UBXN11: variants seen among roughly 807,000 people sequenced by gnomAD.
The protein encoded by UBXN11 is UBX domain-containing protein 11.
A neutral mutation model predicts 62.8 loss-of-function variants in UBXN11; 47 were observed. That is an observed-to-expected ratio of 0.75 (90% CI 0.59 to 0.95). The LOEUF (loss-of-function observed/expected upper bound fraction) is 0.95. Among genes scored for constraint, UBXN11 ranks in the 40% least tolerant of loss-of-function variants. The pLI, the probability that UBXN11 is intolerant of heterozygous loss-of-function variation, is 0.00. For missense variants in UBXN11, 638 were observed against 661.7 expected (o/e 0.96, Z 0.39); for synonymous variants, 294 against 267.0 (o/e 1.10, Z -0.99).
intron 8 of UBXN11, 37 bp from the exon 9 acceptor site, chr1:26,286,074 G>A: frequency 3.2e-6 from 5 of 1,554,996 alleles, no homozygotes; most frequent in Non-Finnish European, 3.5e-6. Flanking sequence ...GCCGCCTTTT[G>A]GCTGTCATGT....
intron 4 of UBXN11, among the ~76,000 whole-genome samples, chr1:26,299,402 C>T (rs960052062): frequency 6.6e-6 from 1 of 151,054 alleles, no homozygotes; most frequent in African/African-American, 2.4e-5. Context: ...GTCCCAGCTA[C>T]TTGAGAGGCT....
rs1018388314 is a variant in UBXN11, at chr1:26,284,618, G to C, written c.853-136C>G. Reference sequence around the variant, plus strand: ...CCCATTTTACATATGAGGAAACCCAGGCCTCAGGAGAGCCACGGTTCGTAC... The same window carrying C: ...CCCATTTTACATATGAGGAAACCCACGCCTCAGGAGAGCCACGGTTCGTAC... On this transcript the variant is annotated intron_variant, in intron 10 of 14. Coordinates refer to ENST00000374222, the MANE Select transcript of UBXN11 (RefSeq NM_001389556.1). 14 of 1,398,862 alleles carry C rather than the reference G, an allele frequency of 1.0e-5. No individual in the cohort carries two copies. In the African/African-American group the frequency reaches 1.8e-4, roughly 18 times the overall value. 86.7% of individuals were successfully genotyped at this position (1,398,862 alleles called of 1,614,324 possible). A position where few individuals can be genotyped will look rare whatever the true frequency, so the allele number is the denominator to read the frequency against.
At chr1:26,296,524 A>C (rs1315370606) in intron 7 of UBXN11, among the ~76,000 whole-genome samples, 1 of 152,194 alleles carries the variant, frequency 6.6e-6, no homozygotes, top group Non-Finnish European at 1.5e-5. Flanking sequence ...CTGAGGTGGG[A>C]AGCAGCTCCA....
chr1:26,297,500 G>C lies in UBXN11; in HGVS notation c.301-19C>G, dbSNP rs1326250590. On this transcript the variant is annotated intron_variant, in intron 5 of 14. Transcript: ENST00000374222. ...TCTGATCCTGTAGCATAAGACACAG[G>C]GTGAGCACAGGGCCTGTGGTTCCCA... The C allele has an allele frequency of 4.5e-6, 7 of 1,544,602 alleles. No individual in the cohort carries two copies. The highest frequency in any genetic ancestry group is 6.1e-6 in the Non-Finnish European group (7 of 1,144,434).
intron 1 of UBXN11, among the ~76,000 whole-genome samples, chr1:26,303,422 C>T (rs889211248): frequency 3.3e-5 from 5 of 151,862 alleles, no homozygotes; most frequent in African/African-American, 9.7e-5. Flanking sequence ...GTCAGTGGTT[C>T]GAGATCAGCT....
At chr1:26,310,546 A>AAAG (rs2073731173), upstream of UBXN11, among the ~76,000 whole-genome samples, 2 of 150,468 alleles carry the variant, frequency 1.3e-5, no homozygotes, top group Admixed American at 1.3e-4. Flanking sequence ...CTCAAAAAAA[A>AAAG]AAAGAAAGAA....
chr1:26,315,995 T>C (rs949969698), intron 1 of UBXN11, among the ~76,000 whole-genome samples: 2 of 142,438 alleles, frequency 1.4e-5, no homozygotes, highest in Admixed American at 1.5e-4. Flanking sequence ...GGTCTTGCTC[T>C]GTCACCCTGG....
In UBXN11 at chr1:26,282,515, G is replaced by C; in HGVS notation, c.1347C>G (p.Tyr449Ter). The C allele has an allele frequency of 6.3e-7, 1 of 1,599,280 alleles. No individual in the cohort carries two copies. Among genetic ancestry groups the C allele is most frequent in the Non-Finnish European group, 8.5e-7 (1 of 1,169,968 alleles). The change falls in exon 15 of 15, where the codon TAC (tyrosine) becomes TAG (stop). Residue 449 changes from tyrosine to a stop codon, truncating the protein, a stop_gained. Coordinates refer to ENST00000374222, the MANE Select transcript of UBXN11 (RefSeq NM_001389556.1). LOFTEE classifies it low-confidence loss of function (END_TRUNC). ...CCTGCAGCGTGAGTGTATCGTCCTGGTAGAGGGTGGGCGGGAATGTGCTGA... is the reference window on the plus strand; with the variant it reads ...CCTGCAGCGTGAGTGTATCGTCCTGCTAGAGGGTGGGCGGGAATGTGCTGA... ...EIFSTFPPTL[Y>*]QDDTLTLQAA...
chr1:26,312,498 C>T (rs879704468), intron 1 of UBXN11, among the ~76,000 whole-genome samples: 23 of 151,582 alleles, frequency 1.5e-4, no homozygotes, highest in African/African-American at 4.1e-4. Context: ...GTGATCTGCC[C>T]GCCTCGGCCT....
At chr1:26,288,671 C>T (rs1415520515) in intron 8 of UBXN11, among the ~76,000 whole-genome samples, 2 of 152,202 alleles carry the variant, frequency 1.3e-5, no homozygotes, top group Non-Finnish European at 2.9e-5. Flanking sequence ...AATGGAAAGG[C>T]ACTTCCTCTT....
chr1:26,284,762 G>C, intron 10 of UBXN11: 1 of 1,226,780 alleles, frequency 8.2e-7, no homozygotes, highest in Non-Finnish European at 1.0e-6. Context: ...TGAAGGCAGA[G>C]TGTGAGGGGG....
At chr1:26,293,709 A>C (rs1471180921) in intron 8 of UBXN11, among the ~76,000 whole-genome samples, 3 of 129,842 alleles carry the variant, frequency 2.3e-5, no homozygotes, top group Non-Finnish European at 4.7e-5. Context: ...TGGGTGACAG[A>C]GCAAGACTCC....
chr1:26,317,970 GAT>G, intron 1 of UBXN11: 1 of 1,571,020 alleles, frequency 6.4e-7, no homozygotes, highest in Non-Finnish European at 8.8e-7. Context: ...ACAGCCCTGA[GAT>G]CACCTAAAAA....
intron 1 of UBXN11, among the ~76,000 whole-genome samples, chr1:26,314,716 C>T (rs931929931): frequency 6.6e-6 from 1 of 152,190 alleles, no homozygotes; most frequent in Non-Finnish European, 1.5e-5. Flanking sequence ...AAAATCTAGT[C>T]CCAACCCACA....
At position 26,290,414 on chromosome 1, in the gene UBXN11, G is replaced by GC. The variant is rs2073233559; in HGVS notation, c.559+3790dup. On this transcript the variant is annotated intron_variant, in intron 8 of 14. Transcript: ENST00000374222. ...CTTTTAGCCCCTTCCCTCAAGCAGA[G>GC]CCCTCCCCACAGAGCAGCACAGCCC... is the stretch of plus-strand genomic sequence containing the variant. Among the ~76,000 whole-genome samples, 3 of 152,290 alleles carry GC rather than the reference G, an allele frequency of 2.0e-5. No homozygotes were observed. The South Asian group carries it at 6.2e-4, about 32-fold the overall frequency.
At chr1:26,318,109 A>T in exon 1 of UBXN11, 1 of 1,589,326 alleles carries the variant, frequency 6.3e-7, no homozygotes, top group Non-Finnish European at 8.6e-7. Context: ...AGGACTCCCC[A>T]AAGTTGCTTG....
At position 26,282,422 on chromosome 1, in the gene UBXN11, T is replaced by A. The variant is rs2073019048; in HGVS notation, c.1440A>T (p.Lys480Asn). Residue 480 changes from lysine to asparagine, a missense_variant, in exon 15 of 15, where the codon AAA becomes AAT. Transcript: ENST00000374222. ...RARRAPKSSLKFSPGPCPGPG... is the reference protein window; with the variant it reads ...RARRAPKSSLNFSPGPCPGPG... ...GACCGGGACAGGGACCAGGACTGAA[T>A]TTCAGGCTGGACTTCGGGGCTCGGC... The A allele has an allele frequency of 6.3e-7, 1 of 1,587,064 alleles. No individual in the cohort carries two copies. The highest frequency in any genetic ancestry group is 1.1e-5 in the South Asian group (1 of 89,698).
intron 8 of UBXN11, among the ~76,000 whole-genome samples, chr1:26,287,834 A>G (rs1259714073): frequency 6.6e-6 from 1 of 151,772 alleles, no homozygotes; most frequent in East Asian, 1.9e-4. Context: ...TTTAACAACT[A>G]CCTTAAGGAC....
chr1:26,282,570 C>A lies in UBXN11; in HGVS notation c.1293-1G>T. 5 of 1,603,062 alleles carry A rather than the reference C, an allele frequency of 3.1e-6. No homozygotes were observed. Among genetic ancestry groups the A allele is most frequent in the Non-Finnish European group, 3.4e-6 (4 of 1,172,242 alleles). ...CTCAAAGGCAGAGGCATCCATGACC[C>A]TGGGGACCAGGCAGAGCAGATCAGG... On this transcript the variant is annotated splice_acceptor_variant, in intron 14 of 14. Transcript: ENST00000374222. LOFTEE classifies it high-confidence loss of function.
Sources: allele counts gnomAD v4.1 joint callset (sites outside exome capture counted in the v4.1 genomes callset), GRCh38; gene constraint gnomAD v4.1.1; transcripts MANE v1.5; gene names NCBI Gene and HGNC (gene_info 2026-07-23, HGNC 2026-07-21).